SOX5: variants seen among roughly 807,000 people sequenced by gnomAD.
SOX5 encodes SRY-box transcription factor 5.
In SOX5, 9 loss-of-function variants were observed where a neutral mutation model predicts 92.0. That is an observed-to-expected ratio of 0.10 (90% CI 0.06 to 0.17). The LOEUF (loss-of-function observed/expected upper bound fraction) is 0.17. Ranked by LOEUF, SOX5 falls within the 10% of genes least tolerant of loss-of-function variation. SOX5 has a pLI of 1.00. For missense variants in SOX5, 642 were observed against 944.5 expected, an observed-to-expected ratio of 0.68 and a Z score of 4.20; for synonymous variants, 344 against 336.3, an observed-to-expected ratio of 1.02 and a Z score of -0.25.
At chr12:23,568,124 A>T (rs544984664) in intron 10 of SOX5, among the ~76,000 whole-genome samples, 1 of 152,180 alleles carries the variant, frequency 6.6e-6, no homozygotes, top group Non-Finnish European at 1.5e-5. Flanking sequence ...CTGGGCCATA[A>T]ATCCAATAAC....
chr12:24,256,597 C>A (rs1188926263), intron 3 of SOX5, among the ~76,000 whole-genome samples: 1 of 120,654 alleles, frequency 8.3e-6, no homozygotes, highest in Non-Finnish European at 1.6e-5. Context: ...TTTCTTTCAC[C>A]AAATTGGAAG....
chr12:23,859,135 C>T lies in SOX5; in HGVS notation c.271-12942G>A, dbSNP rs533799654. On this transcript the variant is annotated intron_variant, in intron 2 of 14. Transcript: ENST00000451604. The stretch of plus-strand genomic sequence containing the variant: ...ACCCTGAAAAAGAACAGAATAACAG[C>T]GATTTTCAGGGAACAAGGAAAGATA... Among the ~76,000 whole-genome samples the T allele has an allele frequency of 6.6e-5, 10 of 152,176 alleles. No individual in the cohort carries two copies. In the South Asian group the frequency reaches 1.5e-3, roughly 22 times the overall value.
Position 24,049,638 on chromosome 12 carries a change from GTTTTTTTTTTTT to G in SOX5, c.-1-153626_-1-153615del, listed in dbSNP as rs527647441. 1.4e-4 allele frequency among the ~76,000 whole-genome samples: 10 copies of G among 73,770 alleles called. No homozygotes were observed. The South Asian group carries it at 2.4e-3, about 18-fold the overall frequency. 48.4% of individuals were successfully genotyped at this position (73,770 alleles called of 152,430 possible). ...TGTTGATATTTTCCAATCCTTCATA[GTTTTTTTTTTTT>G]TTTTTTTTTTTTTTTTTTTTTTGGA... is the stretch of plus-strand genomic sequence containing the variant. On this transcript the variant is annotated intron_variant, in intron 4 of 4. Coordinates refer to the SOX5 transcript ENST00000446891.
chr12:23,635,754 T>C (rs933294453), intron 8 of SOX5, among the ~76,000 whole-genome samples: 2 of 152,084 alleles, frequency 1.3e-5, no homozygotes, highest in Admixed American at 6.6e-5. Flanking sequence ...AAGATCAAGA[T>C]AGAAAGACCA....
At position 24,441,289 on chromosome 12, in the gene SOX5, T is replaced by C. The variant is rs565180338; in HGVS notation, c.-250-72650A>G. 2.6e-5 allele frequency among the ~76,000 whole-genome samples: 4 copies of C among 152,328 alleles called. No individual in the cohort carries two copies. In the East Asian group the frequency reaches 5.8e-4, roughly 22 times the overall value. On this transcript the variant is annotated intron_variant, in intron 1 of 4. Transcript: ENST00000446891. ...GTGTGCAATAATGGGCCCCGTCCTC[T>C]CTTGTATCATATTTAGTATTTATGC...
At chr12:24,461,242 G>A (rs970221246) in intron 1 of SOX5, among the ~76,000 whole-genome samples, 18 of 103,506 alleles carry the variant, frequency 1.7e-4, no homozygotes, top group African/African-American at 5.8e-4. Context: ...TGTACTGTTT[G>A]ACATGTTCCA....
intron 7 of SOX5, among the ~76,000 whole-genome samples, chr12:23,652,249 C>A (rs1445361498): frequency 6.6e-6 from 1 of 151,984 alleles, no homozygotes; most frequent in Non-Finnish European, 1.5e-5. Flanking sequence ...TCTATACATT[C>A]TCTTGGCTTT....
chr12:23,646,341 A>AT (rs2080847603), intron 7 of SOX5, among the ~76,000 whole-genome samples: 1 of 152,008 alleles, frequency 6.6e-6, no homozygotes, highest in Non-Finnish European at 1.5e-5. Flanking sequence ...CAACCAGCTA[A>AT]TTTTTTGTAA....
chr12:24,068,745 T>C (rs1235665202), intron 4 of SOX5, among the ~76,000 whole-genome samples: 5,832 of 76,572 alleles, frequency 0.076, 254 homozygotes, highest in Middle Eastern at 0.15. Context: ...TATATATATA[T>C]ATACACACAC....
intron 4 of SOX5, among the ~76,000 whole-genome samples, chr12:24,013,825 A>G (rs1285743941): frequency 6.6e-6 from 1 of 152,210 alleles, no homozygotes; most frequent in Non-Finnish European, 1.5e-5. Flanking sequence ...TGGTTTTCAT[A>G]GATTTCTAAG....
At chr12:24,135,640 A>G (rs1403414206) in intron 4 of SOX5, among the ~76,000 whole-genome samples, 1 of 152,240 alleles carries the variant, frequency 6.6e-6, no homozygotes, top group Non-Finnish European at 1.5e-5. Flanking sequence ...TAATAATTAC[A>G]ACAGGACAGA....
chr12:24,213,468 CAAAG>C (rs1301922453), intron 3 of SOX5: 1 of 103,270 alleles, frequency 9.7e-6, no homozygotes, highest in Non-Finnish European at 2.1e-5. Context: ...AAAATTGAAA[CAAAG>C]AAAGAAAATA....
At chr12:23,631,536 T>A (rs75501795) in intron 8 of SOX5, among the ~76,000 whole-genome samples, 3,419 of 152,174 alleles carry the variant, frequency 0.022, 117 homozygotes, top group African/African-American at 0.076. Flanking sequence ...GGACAGCAGT[T>A]CTTTTATGTA....
At chr12:24,258,363 T>C (rs1370399571) in intron 3 of SOX5, among the ~76,000 whole-genome samples, 2 of 152,232 alleles carry the variant, frequency 1.3e-5, no homozygotes, top group African/African-American at 4.8e-5. Flanking sequence ...ATTATTGTTA[T>C]CATTTTAGAC....
intron 4 of SOX5, among the ~76,000 whole-genome samples, chr12:24,068,037 C>T (rs985194692): frequency 1.1e-4 from 16 of 151,956 alleles, no homozygotes; most frequent in South Asian, 4.1e-4. Context: ...CCCAGCTACT[C>T]GGGAGGCTGA....
intron 2 of SOX5, among the ~76,000 whole-genome samples, chr12:24,312,352 G>A (rs749859963): frequency 2.6e-5 from 4 of 152,116 alleles, no homozygotes; most frequent in African/African-American, 7.2e-5. Flanking sequence ...TAAATAATCC[G>A]ATTCTTTGCC....
At chr12:24,183,232 C>G (rs950406305) in intron 4 of SOX5, among the ~76,000 whole-genome samples, 1 of 152,154 alleles carries the variant, frequency 6.6e-6, no homozygotes, top group African/African-American at 2.4e-5. Context: ...AAACCATATA[C>G]TACTCCACTA....
At chr12:24,355,284 T>A (rs374212629) in intron 2 of SOX5, among the ~76,000 whole-genome samples, 1,177 of 12,952 alleles carry the variant, frequency 0.091, 4 homozygotes, top group Admixed American at 0.17. Flanking sequence ...GGGTGCATCT[T>A]TTTTTTTTTT....
upstream of SOX5, chr12:23,950,918 G>T (rs1296564738): frequency 2.0e-6 from 3 of 1,530,318 alleles, no homozygotes; most frequent in Non-Finnish European, 1.8e-6. Context: ...GCAGCATCTG[G>T]TCAGGGAGTA....
Sources: gnomAD v4.1 joint callset for allele counts (sites outside exome capture counted in the v4.1 genomes callset) on GRCh38, gnomAD v4.1.1 for gene constraint, MANE v1.5 for transcripts, NCBI Gene and HGNC (gene_info 2026-07-23, HGNC 2026-07-21) for gene names.